The following CCDC91 variants were observed in gnomAD, a reference collection of about 807,000 sequenced individuals.
CCDC91 encodes coiled-coil domain-containing protein 91.
CCDC91 carries 48 observed loss-of-function variants against 63.2 expected under a neutral mutation model. That is an observed-to-expected ratio of 0.76 (90% confidence interval 0.60 to 0.97). The LOEUF is 0.97. CCDC91 is among the 50% of genes least tolerant of loss of function. The pLI, the probability that CCDC91 is intolerant of heterozygous loss-of-function variation, is 0.00. For synonymous variants in CCDC91, 167 were observed against 165.8 expected, an observed-to-expected ratio of 1.01 and a Z score of -0.06; for missense variants, 500 against 494.6, an observed-to-expected ratio of 1.01 and a Z score of -0.10.
intron 6 of CCDC91, among the ~76,000 whole-genome samples, chr12:28,340,621 T>C (rs1942342518): frequency 6.6e-6 from 1 of 152,142 alleles, no homozygotes; most frequent in Non-Finnish European, 1.5e-5. Flanking sequence ...TTGCAGGGTG[T>C]GTAATGGGGG....
intron 3 of CCDC91, among the ~76,000 whole-genome samples, chr12:28,283,501 C>T (rs1241552137): frequency 6.6e-6 from 1 of 151,640 alleles, no homozygotes; most frequent in Non-Finnish European, 1.5e-5. Context: ...TGATTTGATT[C>T]TTAGCTTGGT....
chr12:28,292,075 G>C (rs61922978), intron 3 of CCDC91, among the ~76,000 whole-genome samples: 30,512 of 152,148 alleles, frequency 0.2, 4,012 homozygotes, highest in Non-Finnish European at 0.3. Flanking sequence ...ACTAAAATAA[G>C]AAAATTGCTC....
chr12:28,219,305 A>G (rs1367587719), intron 1 of CCDC91, among the ~76,000 whole-genome samples: 1 of 152,136 alleles, frequency 6.6e-6, no homozygotes, highest in Non-Finnish European at 1.5e-5. Flanking sequence ...TATTATTTAT[A>G]TGTAAGCTTT....
intron 12 of CCDC91, among the ~76,000 whole-genome samples, chr12:28,524,032 A>G (rs1941018586): frequency 1.3e-5 from 2 of 152,096 alleles, no homozygotes; most frequent in African/African-American, 4.8e-5. Context: ...GAAGGAAAAA[A>G]TATTAAGGGC....
At chr12:28,315,101 A>G (rs1350390933) in intron 6 of CCDC91, among the ~76,000 whole-genome samples, 2 of 151,808 alleles carry the variant, frequency 1.3e-5, no homozygotes, top group Non-Finnish European at 2.9e-5. Flanking sequence ...AGGTAGAATT[A>G]TTTATATAGA....
At chr12:28,536,386 G>C (rs1482399172) in intron 12 of CCDC91, among the ~76,000 whole-genome samples, 1 of 152,116 alleles carries the variant, frequency 6.6e-6, no homozygotes, top group Non-Finnish European at 1.5e-5. Flanking sequence ...GCTTTCATTT[G>C]TTTAACATCA....
intron 3 of CCDC91, among the ~76,000 whole-genome samples, chr12:28,264,034 A>G (rs1329539265): frequency 1.3e-5 from 2 of 151,760 alleles, no homozygotes; most frequent in Non-Finnish European, 2.9e-5. Flanking sequence ...GTCATTCTCA[A>G]TGCAAACATA....
At chr12:28,276,990 T>G (rs746771680) in intron 3 of CCDC91, among the ~76,000 whole-genome samples, 27 of 151,998 alleles carry the variant, frequency 1.8e-4, no homozygotes, top group Non-Finnish European at 3.2e-4. Flanking sequence ...AAATGAAATT[T>G]CAGAGATATG....
chr12:28,317,697 T>A (rs1249158332), intron 6 of CCDC91, among the ~76,000 whole-genome samples: 1 of 151,980 alleles, frequency 6.6e-6, no homozygotes, highest in African/African-American at 2.4e-5. Flanking sequence ...TTAGAGAAGA[T>A]GATGAACTAG....
chr12:28,452,414 T>C, intron 10 of CCDC91, 64 bp from the exon 11 acceptor site: 1 of 1,130,022 alleles, frequency 8.8e-7, no homozygotes, highest in Non-Finnish European at 1.3e-6. Flanking sequence ...GTTAACCAAG[T>C]CTGTTACTCA....
At chr12:28,446,454 C>G (rs1020398388) in intron 8 of CCDC91, among the ~76,000 whole-genome samples, 1 of 152,124 alleles carries the variant, frequency 6.6e-6, no homozygotes, top group Non-Finnish European at 1.5e-5. Flanking sequence ...GAAACAGAGA[C>G]AGTTTAGAAG....
chr12:28,499,144 A>T (rs916939474), intron 12 of CCDC91, among the ~76,000 whole-genome samples: 2 of 151,582 alleles, frequency 1.3e-5, no homozygotes, highest in Admixed American at 6.6e-5. Context: ...TCTTCTCTTA[A>T]GAAAAAGATC....
intron 6 of CCDC91, among the ~76,000 whole-genome samples, chr12:28,324,613 C>G (rs1940812856): frequency 6.6e-6 from 1 of 151,940 alleles, no homozygotes; most frequent in South Asian, 2.1e-4. Flanking sequence ...TGGTTTTTCT[C>G]TTTTCCTTAG....
chr12:28,549,360 C>T lies in CCDC91; in HGVS notation c.*187C>T, dbSNP rs749011292. On this transcript the variant is annotated 3_prime_UTR_variant, in exon 13 of 13. Transcript: ENST00000536442. ...CTAATTTATTTTCTTTTGGTTTCTT[C>T]TTTACATTTACTGTTATTTTATTAT... 6.8e-6 allele frequency: 3 copies of T among 443,408 alleles called. No homozygotes were observed. The highest frequency in any genetic ancestry group is 1.2e-5 in the Non-Finnish European group (3 of 242,396). 27.5% of individuals were successfully genotyped at this position (443,408 alleles called of 1,614,324 possible).
chr12:28,302,829 G>A (rs1938228443), intron 3 of CCDC91: 1 of 155,862 alleles, frequency 6.4e-6, no homozygotes, highest in Non-Finnish European at 1.4e-5. Context: ...TATAGATCTA[G>A]ATTTCTGCAG....
chr12:28,242,394 A>G (rs1945405970), intron 1 of CCDC91, among the ~76,000 whole-genome samples: 1 of 152,220 alleles, frequency 6.6e-6, no homozygotes, highest in Non-Finnish European at 1.5e-5. Flanking sequence ...TGACCAGGAA[A>G]GGAGTTAGAT....
chr12:28,252,998 C>T (rs1464615197), intron 1 of CCDC91, among the ~76,000 whole-genome samples: 1 of 152,100 alleles, frequency 6.6e-6, no homozygotes, highest in East Asian at 1.9e-4. Context: ...AAGTAAAATG[C>T]CCAATGTAAC....
intron 8 of CCDC91, among the ~76,000 whole-genome samples, chr12:28,449,162 A>T (rs1949677917): frequency 6.6e-6 from 1 of 152,114 alleles, no homozygotes; most frequent in African/African-American, 2.4e-5. Flanking sequence ...CAGGAATAAC[A>T]GATTATCTTA....
chr12:28,387,761 T>C (rs1042200348), intron 7 of CCDC91, among the ~76,000 whole-genome samples: 2 of 152,240 alleles, frequency 1.3e-5, no homozygotes, highest in African/African-American at 4.8e-5. Context: ...CATATATTTA[T>C]ACCGCAGTTT....
Sources: gnomAD v4.1 joint callset for allele counts (sites outside exome capture counted in the v4.1 genomes callset) on GRCh38, gnomAD v4.1.1 for gene constraint, MANE v1.5 for transcripts, NCBI Gene and HGNC (gene_info 2026-07-23, HGNC 2026-07-21) for gene names.